KDM4C: variants seen among roughly 807,000 people sequenced by gnomAD.
KDM4C encodes the protein lysine-specific demethylase 4C.
Under a neutral mutation model 129.3 loss-of-function variants are expected in KDM4C, and 81 were observed. The ratio of observed to expected loss-of-function variants is 0.63; its 90% CI spans 0.52 to 0.75. The LOEUF (loss-of-function observed/expected upper bound fraction) is 0.75, where lower values mean the gene tolerates loss of function less well. KDM4C is among the 30% of genes least tolerant of loss of function. KDM4C has a pLI of 0.00. For synonymous variants in KDM4C, 573 were observed against 456.1 expected (o/e 1.26, Z -3.26); for missense variants, 1,457 against 1,304.0 (o/e 1.12, Z -1.81).
At chr9:6,757,837 C>T (rs1244551019), upstream of KDM4C, 1 of 985,658 alleles carries the variant, frequency 1.0e-6, no homozygotes, top group Non-Finnish European at 1.2e-6. Flanking sequence ...GCCAGCAAGC[C>T]TAAGTTAACC....
chr9:7,082,491 G>T (rs1376548598), intron 17 of KDM4C, among the ~76,000 whole-genome samples: 5 of 152,214 alleles, frequency 3.3e-5, no homozygotes, highest in Non-Finnish European at 7.3e-5. Context: ...CACCAGGGCT[G>T]ATGGTGGAAG....
intron 17 of KDM4C, among the ~76,000 whole-genome samples, chr9:7,067,953 G>A (rs1832669542): frequency 6.6e-6 from 1 of 151,994 alleles, no homozygotes; most frequent in Admixed American, 6.5e-5. Context: ...CCACCACCAC[G>A]CATGGCTAAT....
chr9:6,998,450 T>C (rs1820161286), intron 12 of KDM4C, among the ~76,000 whole-genome samples: 1 of 152,240 alleles, frequency 6.6e-6, no homozygotes, highest in Admixed American at 6.5e-5. Context: ...TTTGACTAAA[T>C]TTGATTACTT....
intron 15 of KDM4C, among the ~76,000 whole-genome samples, chr9:7,019,885 G>A (rs913080122): frequency 4.0e-5 from 6 of 151,240 alleles, no homozygotes; most frequent in Admixed American, 4.0e-4. Context: ...TTCAGCCTGG[G>A]CAAAACAGAA....
intron 4 of KDM4C, among the ~76,000 whole-genome samples, chr9:6,821,402 T>A (rs971514131): frequency 6.6e-6 from 1 of 152,214 alleles, no homozygotes; most frequent in Non-Finnish European, 1.5e-5. Flanking sequence ...GACTTTTTAA[T>A]GATCACCATT....
rs144457432 is a variant in KDM4C at position 6,810,490 on chromosome 9, A to C, written c.321-4141A>C. ...TTCTGGGGTTTAGAGATGGTTTAAA[A>C]AATTTTTGGTTTTTTTTAAGTTGTA... On this transcript the variant is annotated intron_variant, in intron 3 of 21. Coordinates refer to ENST00000381309, the MANE Select transcript of KDM4C (RefSeq NM_015061.6). 7.2e-5 allele frequency among the ~76,000 whole-genome samples: 11 copies of C among 152,352 alleles called. No individual in the cohort carries two copies. In the East Asian group the frequency reaches 2.1e-3, roughly 29 times the overall value.
intron 15 of KDM4C, among the ~76,000 whole-genome samples, chr9:7,019,016 G>A (rs1586948931): frequency 1.3e-5 from 2 of 152,128 alleles, no homozygotes; most frequent in East Asian, 3.9e-4. Flanking sequence ...AATTCACAGT[G>A]GATTCCACTT....
chr9:7,072,948 C>T lies in KDM4C; in HGVS notation c.2424+23748C>T, dbSNP rs1833407599. ...AGATTGACTGTGGAAATGACTGATA[C>T]TAATGATAGCTCAGTGATGTAGGGA... On this transcript the variant is annotated intron_variant, in intron 17 of 21. Coordinates refer to ENST00000381309, the MANE Select transcript of KDM4C (RefSeq NM_015061.6). Among the ~76,000 whole-genome samples the T allele has an allele frequency of 3.9e-5, 6 of 152,162 alleles. No homozygotes were observed. In the South Asian group the frequency reaches 1.2e-3, roughly 32 times the overall value.
At chr9:6,868,018 A>G (rs1349043938) in intron 5 of KDM4C, among the ~76,000 whole-genome samples, 4 of 152,190 alleles carry the variant, frequency 2.6e-5, no homozygotes, top group Non-Finnish European at 5.9e-5. Context: ...AACTTTCTAT[A>G]CATGAAAGTT....
At chr9:7,134,881 C>G (rs1015449714) in intron 19 of KDM4C, among the ~76,000 whole-genome samples, 2 of 152,204 alleles carry the variant, frequency 1.3e-5, no homozygotes, top group African/African-American at 4.8e-5. Context: ...GATTCATCAA[C>G]TCTGTAAACC....
At chr9:6,757,566 T>C (rs1818429064), upstream of KDM4C, 1 of 939,594 alleles carries the variant, frequency 1.1e-6, no homozygotes, top group South Asian at 4.9e-5. Context: ...AGCCCCGACT[T>C]TCTCGCCAGG....
At chr9:6,763,088 A>C (rs1455979282) in intron 1 of KDM4C, among the ~76,000 whole-genome samples, 2 of 151,924 alleles carry the variant, frequency 1.3e-5, no homozygotes, top group East Asian at 1.9e-4. Flanking sequence ...CTAAATCCAC[A>C]CTTTCTGGGC....
chr9:6,897,971 C>G (rs1002859084), intron 8 of KDM4C, among the ~76,000 whole-genome samples: 24 of 152,054 alleles, frequency 1.6e-4, no homozygotes, highest in African/African-American at 5.8e-4. Flanking sequence ...GAATGAAGTC[C>G]GTGATTACTC....
intron 17 of KDM4C, among the ~76,000 whole-genome samples, chr9:7,070,497 T>C (rs757373585): frequency 5.9e-5 from 9 of 152,120 alleles, no homozygotes; most frequent in Non-Finnish European, 1.0e-4. Context: ...ATTAACAAAC[T>C]GAATCAGCAG....
intron 8 of KDM4C, among the ~76,000 whole-genome samples, chr9:6,965,044 C>G (rs928562900): frequency 4.0e-4 from 60 of 151,670 alleles, no homozygotes; most frequent in East Asian, 1.9e-4. Flanking sequence ...TTAAACTTCT[C>G]TTTCTTGAAT....
At chr9:7,015,081 A>G (rs2132179076) in intron 14 of KDM4C, among the ~76,000 whole-genome samples, 1 of 152,198 alleles carries the variant, frequency 6.6e-6, no homozygotes. Flanking sequence ...GCTTTAACTC[A>G]TTATTTCATG....
intron 17 of KDM4C, among the ~76,000 whole-genome samples, chr9:7,068,803 T>G (rs933148120): frequency 2.0e-5 from 3 of 149,688 alleles, no homozygotes; most frequent in Admixed American, 1.4e-4. Context: ...TTCAAGCAAG[T>G]CTCCTGCCTC....
intron 1 of KDM4C, among the ~76,000 whole-genome samples, chr9:6,766,008 C>CT (rs1820553263): frequency 6.6e-6 from 1 of 152,182 alleles, no homozygotes; most frequent in Non-Finnish European, 1.5e-5. Context: ...AGGCTGGTCA[C>CT]TAACTCCTGA....
intron 15 of KDM4C, among the ~76,000 whole-genome samples, chr9:7,037,077 C>G (rs1827781721): frequency 1.3e-5 from 2 of 152,172 alleles, no homozygotes; most frequent in African/African-American, 4.8e-5. Flanking sequence ...TAATGAGCCA[C>G]ATATCCAGAA....
Sources: gnomAD v4.1 joint callset for allele counts (sites outside exome capture counted in the v4.1 genomes callset) on GRCh38, gnomAD v4.1.1 for gene constraint, MANE v1.5 for transcripts, NCBI Gene and HGNC (gene_info 2026-07-23, HGNC 2026-07-21) for gene names.